TACC1: variants seen among roughly 807,000 people sequenced by gnomAD.
The protein encoded by TACC1 is transforming acidic coiled-coil-containing protein 1.
In TACC1, 48 loss-of-function variants were observed where a neutral mutation model predicts 84.4. That is an observed-to-expected ratio of 0.57 (90% CI 0.45 to 0.72). The LOEUF (loss-of-function observed/expected upper bound fraction) is 0.72. Among genes scored for constraint, TACC1 ranks in the 30% least tolerant of loss-of-function variants. TACC1 has a pLI of 0.00. For missense variants in TACC1, 920 were observed against 973.0 expected (o/e 0.95, Z 0.72); for synonymous variants, 372 against 376.3 (o/e 0.99, Z 0.13).
intron 2 of TACC1, among the ~76,000 whole-genome samples, chr8:38,799,386 G>A (rs985657782): frequency 5.9e-5 from 9 of 152,228 alleles, no homozygotes; most frequent in African/African-American, 1.4e-4. Context: ...TGTCTTGGAC[G>A]CTCAGTTTCT....
At chr8:38,754,804 TG>T (rs1465523507) in intron 3 of TACC1, among the ~76,000 whole-genome samples, 2 of 152,244 alleles carry the variant, frequency 1.3e-5, no homozygotes, top group Non-Finnish European at 2.9e-5. Context: ...TTCTGGACCC[TG>T]GGAACTTTCT....
upstream of TACC1, among the ~76,000 whole-genome samples, chr8:38,784,191 T>C (rs1587640845): frequency 6.6e-6 from 1 of 152,202 alleles, no homozygotes; most frequent in African/African-American, 2.4e-5. Context: ...AATGGACTCA[T>C]ATTCATTACT....
At position 38,820,397 on chromosome 8, in the gene TACC1, G is replaced by C. The variant is rs1201599759; in HGVS notation, c.1153G>C (p.Asp385His). The C allele has an allele frequency of 9.3e-6, 15 of 1,614,012 alleles. No homozygotes were observed. In the African/African-American group the frequency reaches 2.0e-4, roughly 22 times the overall value. The change falls in exon 3 of 13, where the codon GAT becomes CAT. Residue 385 changes from aspartate to histidine, a missense_variant. This residue lies in a region of TACC1 where 762 missense variants were observed against 747.3 expected (regional missense o/e 1.02). Transcript: ENST00000317827. Reference sequence around the variant, plus strand: ...TCTCTCCCAAACATCTTCCAAGCCAGATCCTAGTCAGTGGGAAAGCCCCAG... The same window carrying C: ...TCTCTCCCAAACATCTTCCAAGCCACATCCTAGTCAGTGGGAAAGCCCCAG... ...GPLSQTSSKP[D>H]PSQWESPSFN...
At chr8:38,804,516 G>C (rs1822193280) in intron 2 of TACC1, among the ~76,000 whole-genome samples, 1 of 152,114 alleles carries the variant, frequency 6.6e-6, no homozygotes, top group African/African-American at 2.4e-5. Context: ...GGCCAGCCTG[G>C]TCTCAAACTC....
chr8:38,805,807 T>A (rs1342303002), intron 2 of TACC1, among the ~76,000 whole-genome samples: 1 of 152,236 alleles, frequency 6.6e-6, no homozygotes, highest in Non-Finnish European at 1.5e-5. Context: ...GGTTTGGATC[T>A]TTATTAGAAT....
At chr8:38,734,996 G>A (rs191756971) in intron 1 of TACC1, among the ~76,000 whole-genome samples, 36 of 152,342 alleles carry the variant, frequency 2.4e-4, no homozygotes, top group Non-Finnish European at 3.1e-4. Context: ...CTCTTCCTTG[G>A]AGTGGCTGGA....
intron 2 of TACC1, among the ~76,000 whole-genome samples, chr8:38,808,531 G>A (rs1441401827): frequency 2.0e-5 from 3 of 152,188 alleles, no homozygotes; most frequent in African/African-American, 2.4e-5. Context: ...TCCCATCTCA[G>A]CCTCCTGAAT....
At chr8:38,750,642 AAT>A (rs1808863723) in intron 3 of TACC1, among the ~76,000 whole-genome samples, 1 of 151,798 alleles carries the variant, frequency 6.6e-6, no homozygotes, top group African/African-American at 2.4e-5. Flanking sequence ...TGCAGGATAA[AAT>A]ATACAAAAAT....
At chr8:38,832,373 C>T (rs1829439444) in intron 6 of TACC1, among the ~76,000 whole-genome samples, 1 of 152,236 alleles carries the variant, frequency 6.6e-6, no homozygotes, top group African/African-American at 2.4e-5. Context: ...AACACTGTCT[C>T]TGAAGCCAGC....
Position 38,787,849 on chromosome 8 carries a change from C to T in TACC1, c.161+106C>T, listed in dbSNP as rs897951819. On this transcript the variant is annotated intron_variant, in intron 1 of 12. Transcript: ENST00000317827. ...GTCGCCACCCGCGAAACCGTCCTCA[C>T]GGCCGTGCCGCGTCCCTGCCCGGAG... 4.5e-6 allele frequency: 5 copies of T among 1,123,416 alleles called. No individual in the cohort carries two copies. The African/African-American group carries it at 5.0e-5, about 11-fold the overall frequency. The allele number at this position is 1,123,416 out of a possible 1,614,324, so 69.6% of individuals were successfully genotyped here. A position where few individuals can be genotyped will look rare whatever the true frequency, so the allele number is the denominator to read the frequency against.
intron 1 of TACC1, chr8:38,788,414 G>T (rs1302166925): frequency 1.0e-5 from 3 of 291,354 alleles, no homozygotes; most frequent in Non-Finnish European, 2.0e-5. Context: ...TTGGAAAAGC[G>T]CATTTTTCAG....
chr8:38,836,394 GTTC>G, intron 7 of TACC1, 107 bp downstream of exon 7: 1 of 1,488,728 alleles, frequency 6.7e-7, no homozygotes. Flanking sequence ...CAGGCTGGAA[GTTC>G]TTATTACCTG....
chr8:38,772,032 AG>A (rs1813731093), intron 3 of TACC1, among the ~76,000 whole-genome samples: 1 of 149,086 alleles, frequency 6.7e-6, no homozygotes, highest in South Asian at 2.1e-4. Context: ...AAAAAGAGAG[AG>A]AGAGAGAGAG....
In TACC1 at chr8:38,755,780, T is replaced by C. The variant is rs938568372; in HGVS notation, c.26+10287T>C. Among the ~76,000 whole-genome samples the C allele has an allele frequency of 8.0e-5, 12 of 150,932 alleles. 1 individual carries two copies. In the South Asian group the frequency reaches 2.3e-3, roughly 29 times the overall value. Reference sequence around the variant, plus strand: ...AGTGTTCCTGCCTTTAAAGAACTTATATTCTAGTGAAAGATAGACAAGTGA... The same window carrying C: ...AGTGTTCCTGCCTTTAAAGAACTTACATTCTAGTGAAAGATAGACAAGTGA... On this transcript the variant is annotated intron_variant, in intron 3 of 14. Transcript: ENST00000518415.
intron 3 of TACC1, among the ~76,000 whole-genome samples, chr8:38,775,374 T>A (rs187237976): frequency 1.3e-5 from 2 of 152,232 alleles, no homozygotes; most frequent in African/African-American, 4.8e-5. Flanking sequence ...AGGTTAGGAG[T>A]CAGTGATTAT....
intron 8 of TACC1, chr8:38,839,450 T>C: frequency 2.7e-6 from 1 of 376,856 alleles, no homozygotes; most frequent in Middle Eastern, 6.9e-4. Flanking sequence ...TTTAAGTATA[T>C]CCCTCTAATT....
At chr8:38,810,797 C>A (rs1675181053) in intron 2 of TACC1, among the ~76,000 whole-genome samples, 1 of 152,128 alleles carries the variant, frequency 6.6e-6, no homozygotes, top group African/African-American at 2.4e-5. Context: ...GAACATACTT[C>A]TACTTATTCA....
At chr8:38,752,595 C>A (rs1020663461) in intron 3 of TACC1, among the ~76,000 whole-genome samples, 12 of 152,094 alleles carry the variant, frequency 7.9e-5, no homozygotes, top group Non-Finnish European at 1.6e-4. Flanking sequence ...GAAATTCTAC[C>A]CCACTTGGAC....
At chr8:38,734,419 C>T (rs978092377) in intron 1 of TACC1, among the ~76,000 whole-genome samples, 1 of 152,122 alleles carries the variant, frequency 6.6e-6, no homozygotes, top group Non-Finnish European at 1.5e-5. Flanking sequence ...TGGTCTTGAA[C>T]TTCTGACCTC....
Sources: gnomAD v4.1 joint callset for allele counts (sites outside exome capture counted in the v4.1 genomes callset) on GRCh38, gnomAD v4.1.1 for gene constraint, gnomAD v4.1.1 regional missense constraint, MANE v1.5 for transcripts, NCBI Gene and HGNC (gene_info 2026-07-23, HGNC 2026-07-21) for gene names.